ELP1: variants seen among roughly 807,000 people sequenced by gnomAD.
The protein encoded by ELP1 is elongator acetyltransferase complex subunit 1.
A neutral mutation model predicts 183.2 loss-of-function variants in ELP1; 131 were observed. The observed-to-expected ratio is 0.72, with a 90% CI of 0.62 to 0.83. ELP1 has a LOEUF of 0.83. Ranked by LOEUF, ELP1 falls within the 40% of genes least tolerant of loss-of-function variation. The pLI, the probability that ELP1 is intolerant of heterozygous loss-of-function variation, is 0.00. For synonymous variants in ELP1, 555 were observed against 569.0 expected, an observed-to-expected ratio of 0.98 and a Z score of 0.35; for missense variants, 1,550 against 1,594.9, an observed-to-expected ratio of 0.97 and a Z score of 0.48.
At chr9:108,901,708 A>C in intron 16 of ELP1, 27 bp from the exon 17 acceptor site, 1 of 1,608,752 alleles carries the variant, frequency 6.2e-7, no homozygotes, top group Non-Finnish European at 8.5e-7. Flanking sequence ...CTGAAATCAC[A>C]AGCAATTCTA....
rs376188498 is a variant in ELP1, at chr9:108,908,259, G to A, written c.1460+46C>T. On this transcript the variant is annotated intron_variant, in intron 13 of 36. Transcript: ENST00000374647. The stretch of plus-strand genomic sequence containing the variant: ...CAGATGGCTGAATTTAGGACTGCAT[G>A]CTGGCTGATTCTGTTCCCAGAAGCC... 254 of 1,402,238 alleles carry A rather than the reference G, an allele frequency of 1.8e-4. 1 individual carries two copies. Among genetic ancestry groups the A allele is most frequent in the South Asian group, 1.2e-3 (108 of 86,526 alleles). The allele number at this position is 1,402,238 out of a possible 1,614,324, so 86.9% of individuals were successfully genotyped here. A position where few individuals can be genotyped will look rare whatever the true frequency, so the allele number is the denominator to read the frequency against.
intron 12 of ELP1, among the ~76,000 whole-genome samples, chr9:108,909,541 T>C (rs907122873): frequency 6.6e-5 from 10 of 152,316 alleles, no homozygotes; most frequent in African/African-American, 2.4e-4. Context: ...CAGTCCAAGA[T>C]CTCTTTTTCC....
At chr9:108,894,984 A>G (rs1302804100) in intron 25 of ELP1, among the ~76,000 whole-genome samples, 1 of 152,170 alleles carries the variant, frequency 6.6e-6, no homozygotes, top group East Asian at 1.9e-4. Context: ...CAAATAATTA[A>G]GTGCTCATTC....
At chr9:108,909,466 T>C (rs1399464858) in intron 12 of ELP1, among the ~76,000 whole-genome samples, 1 of 152,184 alleles carries the variant, frequency 6.6e-6, no homozygotes, top group African/African-American at 2.4e-5. Flanking sequence ...ACCACTCAAA[T>C]GTCTACCACT....
rs761858315 is a variant in ELP1 at position 108,900,322 on chromosome 9, T to C, written c.2068A>G (p.Lys690Glu). Residue 690 changes from lysine to glutamate, a missense_variant, in exon 19 of 37, where the codon AAA becomes GAA. By Grantham distance (56) the Lys-to-Glu change is moderately conservative (BLOSUM62 1). Coordinates refer to ENST00000374647, the MANE Select transcript of ELP1 (RefSeq NM_003640.5). ...ACAATCCGTGAACCCCTCTCCACTT[T>C]CCGCAGAACTTCCCCATGGGACACA... is the stretch of plus-strand genomic sequence containing the variant. ...NHVSHGEVLR[K>E]VERGSRIVTV... 3 of 1,614,078 alleles carry C rather than the reference T, an allele frequency of 1.9e-6. No homozygotes were observed. The highest frequency in any genetic ancestry group is 2.5e-6 in the Non-Finnish European group (3 of 1,180,032).
chr9:108,887,001 C>G (rs1828150090), intron 29 of ELP1, among the ~76,000 whole-genome samples: 1 of 151,282 alleles, frequency 6.6e-6, no homozygotes, highest in Non-Finnish European at 1.5e-5. Flanking sequence ...TTGAATCCAA[C>G]AGTTCAAGAC....
At chr9:108,870,188 A>G (rs985146015) in intron 36 of ELP1, among the ~76,000 whole-genome samples, 2 of 151,844 alleles carry the variant, frequency 1.3e-5, no homozygotes, top group Non-Finnish European at 2.9e-5. Flanking sequence ...GCTACTCTCA[A>G]AACTCCTGGT....
intron 28 of ELP1, 25 bp downstream of exon 28, chr9:108,891,178 T>TA: frequency 1.2e-6 from 2 of 1,609,244 alleles, no homozygotes; most frequent in Non-Finnish European, 1.7e-6. Flanking sequence ...TTTGTAGATG[T>TA]AAACATATAA....
chr9:108,898,232 C>G (rs1828629835), intron 22 of ELP1, among the ~76,000 whole-genome samples: 1 of 152,136 alleles, frequency 6.6e-6, no homozygotes. Flanking sequence ...TGATTTCAGT[C>G]TCCTAGGAAA....
chr9:108,923,951 C>A (rs745879270), intron 5 of ELP1, among the ~76,000 whole-genome samples: 1 of 152,166 alleles, frequency 6.6e-6, no homozygotes, highest in Non-Finnish European at 1.5e-5. Flanking sequence ...GTTTGCAATT[C>A]CTATAAATTA....
In ELP1 at chr9:108,893,015, A is replaced by T; in HGVS notation, c.2929T>A (p.Leu977Ile). The change falls in exon 27 of 37, where the codon TTA (leucine) becomes ATA (isoleucine). Residue 977 changes from leucine to isoleucine, a missense_variant. Transcript: ENST00000374647. Reference protein sequence around the residue: ...DKNLYNEALKLYSPSSQQYQD... With the variant: ...DKNLYNEALKIYSPSSQQYQD... ...TACTGTTGTGAGCTTGGTGAATATA[A>T]CTTCAGAGCTTCGTTATACAAGTTT... The T allele has an allele frequency of 6.2e-7, 1 of 1,613,834 alleles. No homozygotes were observed. The highest frequency in any genetic ancestry group is 1.1e-5 in the South Asian group (1 of 91,072).
intron 29 of ELP1, among the ~76,000 whole-genome samples, chr9:108,884,573 T>A (rs1005247444): frequency 6.6e-6 from 1 of 152,038 alleles, no homozygotes; most frequent in Non-Finnish European, 1.5e-5. Flanking sequence ...TAGAAATTAA[T>A]AACAAAAAGA....
At chr9:108,900,219 T>TGACAATCAGACTATCTATCTTGTCTGAAA (rs1418978914) in intron 19 of ELP1, 41 bp downstream of exon 19, 2 of 1,359,124 alleles carry the variant, frequency 1.5e-6, no homozygotes, top group East Asian at 4.6e-5. Context: ...CTTGGCTGAA[T>TGACAATCAGACTATCTATCTTGTCTGAAA]GACAATCAGA....
Position 108,917,651 on chromosome 9 carries a change from C to T in ELP1, c.760G>A (p.Ala254Thr). Residue 254 changes from alanine to threonine, a missense_variant, in exon 9 of 37, where the codon GCA (alanine) becomes ACA (threonine). Ala to Thr is a moderately conservative substitution (Grantham distance 58). Transcript: ENST00000374647. ...TGGTTGGGTTTATCTTGTGTAGATG[C>T]AATCAAACTGCCTGAGGGTCTTAAA... Reference protein sequence around the residue: ...LAWKPSGSLIASTQDKPNQQD... With the variant: ...LAWKPSGSLITSTQDKPNQQD... 4 of 1,612,790 alleles carry T rather than the reference C, an allele frequency of 2.5e-6. No homozygotes were observed. Among genetic ancestry groups the T allele is most frequent in the Non-Finnish European group, 3.4e-6 (4 of 1,179,576 alleles).
intron 5 of ELP1, among the ~76,000 whole-genome samples, chr9:108,925,047 T>A (rs976888951): frequency 4.6e-5 from 7 of 152,194 alleles, no homozygotes; most frequent in African/African-American, 1.7e-4. Flanking sequence ...AATCAAGTTT[T>A]TTCCTGAATG....
chr9:108,899,416 C>T (rs1432046578), intron 20 of ELP1, among the ~76,000 whole-genome samples: 1 of 152,114 alleles, frequency 6.6e-6, no homozygotes, highest in African/African-American at 2.4e-5. Flanking sequence ...TCAGTCATTT[C>T]CTTCACAAGA....
intron 29 of ELP1, 31 bp from the exon 30 acceptor site, chr9:108,882,218 TGAA>T (rs1564074324): frequency 6.3e-7 from 1 of 1,598,232 alleles, no homozygotes; most frequent in Admixed American, 1.7e-5. Flanking sequence ...AGACAACAAG[TGAA>T]GAGAGCATGT....
Position 108,926,492 on chromosome 9 carries a change from G to A in ELP1, c.466+31C>T, listed in dbSNP as rs145241489. On this transcript the variant is annotated intron_variant, in intron 5 of 36. Transcript: ENST00000374647. The stretch of plus-strand genomic sequence containing the variant: ...TGGTCAAAAATGGGAAGAAACGTAG[G>A]TCACAAAATATTGCACAAAGCTATA... 184 of 1,545,942 alleles carry A rather than the reference G, an allele frequency of 1.2e-4. 1 individual carries two copies. In the Middle Eastern group the frequency reaches 4.9e-3, roughly 41 times the overall value.
At chr9:108,931,551 T>A (rs1217843349) in intron 1 of ELP1, among the ~76,000 whole-genome samples, 1 of 152,210 alleles carries the variant, frequency 6.6e-6, no homozygotes, top group Non-Finnish European at 1.5e-5. Context: ...TATTAGGACA[T>A]CTTTATAAAA....
Sources: allele counts gnomAD v4.1 joint callset (sites outside exome capture counted in the v4.1 genomes callset), GRCh38; gene constraint gnomAD v4.1.1; transcripts MANE v1.5; gene names NCBI Gene and HGNC (gene_info 2026-07-23, HGNC 2026-07-21).